CTNNA2: variants seen among roughly 807,000 people sequenced by gnomAD.
CTNNA2 encodes catenin alpha 2, also known as catenin alpha-2.
CTNNA2 carries 42 observed loss-of-function variants against 101.0 expected under a neutral mutation model. The observed-to-expected ratio is 0.42, with a 90% CI of 0.32 to 0.54. CTNNA2 has a LOEUF of 0.54. Ranked by LOEUF, CTNNA2 falls within the 20% of genes least tolerant of loss-of-function variation. The pLI, the probability that CTNNA2 is intolerant of heterozygous loss-of-function variation, is 0.14. For missense variants in CTNNA2, 871 were observed against 1,223.1 expected (o/e 0.71, Z 4.29); for synonymous variants, 450 against 456.4 (o/e 0.99, Z 0.18).
At chr2:79,375,709 G>A (rs1013278297) in intron 4 of CTNNA2, among the ~76,000 whole-genome samples, 1 of 152,134 alleles carries the variant, frequency 6.6e-6, no homozygotes, top group African/African-American at 2.4e-5. Context: ...GTGCTTTTGA[G>A]TATGTCAGTT....
intron 17 of CTNNA2, chr2:80,612,892 G>A (rs1573455963): frequency 6.6e-6 from 1 of 151,552 alleles, no homozygotes; most frequent in Admixed American, 6.6e-5. Context: ...TTGAACAAAA[G>A]GGTAGATGTT....
intron 3 of CTNNA2, among the ~76,000 whole-genome samples, chr2:79,819,085 T>G (rs2105371970): frequency 6.6e-6 from 1 of 151,654 alleles, no homozygotes; most frequent in Middle Eastern, 3.4e-3. Context: ...GTTCAAGCGA[T>G]TTTCCTGCCT....
chr2:79,322,376 C>T (rs1199601202), intron 3 of CTNNA2, among the ~76,000 whole-genome samples: 1 of 152,076 alleles, frequency 6.6e-6, no homozygotes, highest in East Asian at 1.9e-4. Context: ...TAGTGGTGTT[C>T]CATTTTTATA....
chr2:79,564,288 A>AT (rs1303178043), intron 1 of CTNNA2, among the ~76,000 whole-genome samples: 3 of 150,692 alleles, frequency 2.0e-5, no homozygotes, highest in Non-Finnish European at 4.4e-5. Context: ...AATTAATATT[A>AT]TTTTTTAAAG....
intron 3 of CTNNA2, among the ~76,000 whole-genome samples, chr2:79,328,212 C>A (rs1443917518): frequency 6.6e-6 from 1 of 151,976 alleles, no homozygotes; most frequent in Non-Finnish European, 1.5e-5. Context: ...AGGTGGAAGA[C>A]AATGGTACAG....
chr2:80,494,113 AATTAAT>A (rs1387587109), intron 9 of CTNNA2, among the ~76,000 whole-genome samples: 1 of 152,222 alleles, frequency 6.6e-6, no homozygotes, highest in African/African-American at 2.4e-5. Context: ...GGTTGTATTA[AATTAAT>A]CAAACTCCGT....
intron 7 of CTNNA2, among the ~76,000 whole-genome samples, chr2:80,057,449 A>G (rs1242114092): frequency 6.6e-6 from 1 of 152,194 alleles, no homozygotes; most frequent in East Asian, 1.9e-4. Flanking sequence ...TAATTAAAAG[A>G]GAAAGTCTCA....
intron 7 of CTNNA2, among the ~76,000 whole-genome samples, chr2:80,045,616 A>G (rs1023416847): frequency 4.6e-5 from 7 of 152,186 alleles, no homozygotes; most frequent in Admixed American, 4.6e-4. Flanking sequence ...CTCCCACATC[A>G]TAAATTCTTG....
intron 9 of CTNNA2, among the ~76,000 whole-genome samples, chr2:80,455,899 C>G (rs1559124844): frequency 1.3e-5 from 2 of 152,226 alleles, no homozygotes; most frequent in East Asian, 3.9e-4. Flanking sequence ...CCTGTGATTA[C>G]CTGAGACACA....
chr2:79,600,869 T>C (rs1203958233), intron 1 of CTNNA2, among the ~76,000 whole-genome samples: 1 of 152,094 alleles, frequency 6.6e-6, no homozygotes, highest in Non-Finnish European at 1.5e-5. Context: ...AGAGAGATCA[T>C]CTCTCTGCTG....
At chr2:80,470,826 C>T (rs990101789) in intron 9 of CTNNA2, among the ~76,000 whole-genome samples, 3 of 152,052 alleles carry the variant, frequency 2.0e-5, no homozygotes, top group African/African-American at 2.4e-5. Context: ...AAGTCATGCA[C>T]CTAAGCAACT....
intron 4 of CTNNA2, among the ~76,000 whole-genome samples, chr2:79,379,795 A>G (rs900190358): frequency 7.9e-5 from 12 of 152,174 alleles, no homozygotes; most frequent in Non-Finnish European, 1.8e-4. Flanking sequence ...TCGTATTCAA[A>G]AAAAATTTTT....
intron 9 of CTNNA2, among the ~76,000 whole-genome samples, chr2:80,485,291 A>G (rs1193129285): frequency 6.6e-6 from 1 of 152,150 alleles, no homozygotes; most frequent in Non-Finnish European, 1.5e-5. Flanking sequence ...TATAATCAGC[A>G]TCCCTGTGCC....
In CTNNA2 at chr2:79,895,524, C is replaced by T. The variant is rs559979967; in HGVS notation, c.853-14070C>T. Among the ~76,000 whole-genome samples the T allele has an allele frequency of 1.1e-4, 16 of 151,986 alleles. 1 individual carries two copies. In the South Asian group the frequency reaches 2.7e-3, roughly 26 times the overall value. ...TTCTGAGAAATATGAATTGACTTTCCGTTTTAAATGGATAATTTAGCATCT... is the reference window on the plus strand; with the variant it reads ...TTCTGAGAAATATGAATTGACTTTCTGTTTTAAATGGATAATTTAGCATCT... On this transcript the variant is annotated intron_variant, in intron 6 of 18. Transcript: ENST00000402739.
intron 2 of CTNNA2, among the ~76,000 whole-genome samples, chr2:79,219,780 C>T (rs908075441): frequency 6.6e-6 from 1 of 152,174 alleles, no homozygotes; most frequent in Admixed American, 6.5e-5. Context: ...AGAGGAGAAA[C>T]AGTGAGTGCC....
chr2:79,288,881 A>T (rs1327711098), intron 2 of CTNNA2, among the ~76,000 whole-genome samples: 1 of 152,248 alleles, frequency 6.6e-6, no homozygotes, highest in African/African-American at 2.4e-5. Flanking sequence ...GAGACACATC[A>T]TAAGAATGAG....
intron 18 of CTNNA2, among the ~76,000 whole-genome samples, chr2:80,630,371 G>A (rs545361529): frequency 6.6e-6 from 1 of 152,074 alleles, no homozygotes; most frequent in Non-Finnish European, 1.5e-5. Context: ...TAAAATTTTT[G>A]CTCATGCCTG....
At chr2:79,320,732 G>A (rs947068283) in intron 3 of CTNNA2, among the ~76,000 whole-genome samples, 1 of 152,102 alleles carries the variant, frequency 6.6e-6, no homozygotes, top group Non-Finnish European at 1.5e-5. Flanking sequence ...GAGCAGAAAG[G>A]GAGGTCAGGT....
intron 4 of CTNNA2, among the ~76,000 whole-genome samples, chr2:79,454,982 C>T (rs899770911): frequency 1.3e-5 from 2 of 152,080 alleles, no homozygotes; most frequent in African/African-American, 2.4e-5. Flanking sequence ...ATCTCCTTAC[C>T]AGTAGACTTA....
Sources: gnomAD v4.1 joint callset for allele counts (sites outside exome capture counted in the v4.1 genomes callset) on GRCh38, gnomAD v4.1.1 for gene constraint, MANE v1.5 for transcripts, NCBI Gene and HGNC (gene_info 2026-07-23, HGNC 2026-07-21) for gene names.